Variants in MAPK8IP2 observed in about 807,000 individuals in gnomAD.
MAPK8IP2 encodes mitogen-activated protein kinase 8 interacting protein 2.
In MAPK8IP2, 15 loss-of-function variants were observed where a neutral mutation model predicts 75.6. That is an observed-to-expected ratio of 0.20 (90% CI 0.13 to 0.31). The LOEUF (loss-of-function observed/expected upper bound fraction) is 0.31, where lower values mean the gene tolerates loss of function less well. Among genes scored for constraint, MAPK8IP2 ranks in the 10% least tolerant of loss-of-function variants. The probability of loss-of-function intolerance (pLI) is 1.00; values close to 1 mark genes in which losing one functional copy is unlikely to be tolerated. For missense variants in MAPK8IP2, 1,089 were observed against 1,211.2 expected (o/e 0.90, Z 1.50); for synonymous variants, 632 against 554.5 (o/e 1.14, Z -1.96).
At chr22:50,601,484 C>A in intron 1 of MAPK8IP2, 1 of 351,052 alleles carries the variant, frequency 2.8e-6, no homozygotes, top group Non-Finnish European at 5.5e-6. Context: ...CTCTGCAAGA[C>A]CCTGACCCCA....
chr22:50,610,107 C>G lies in MAPK8IP2; in HGVS notation c.2304-105C>G. On this transcript the variant is annotated intron_variant, in intron 10 of 11. Transcript: ENST00000329492. The surrounding 1 kb of genome is among the most constrained non-coding windows in gnomAD (Gnocchi z 4.3). ...GACCCCCACACTCCTGTCCCTTACCCTCTCCCCAAGCCCTTTGTTCCTGCC... is the reference window on the plus strand; with the variant it reads ...GACCCCCACACTCCTGTCCCTTACCGTCTCCCCAAGCCCTTTGTTCCTGCC... 3 of 827,942 alleles carry G rather than the reference C, an allele frequency of 3.6e-6. No individual in the cohort carries two copies. The highest frequency in any genetic ancestry group is 2.6e-5 in the East Asian group (1 of 37,806). 51.3% of individuals were successfully genotyped at this position (827,942 alleles called of 1,614,324 possible).
intron 6 of MAPK8IP2, 32 bp from the exon 7 acceptor site, chr22:50,605,519 TCAATCCCGCCC>T: frequency 6.3e-7 from 1 of 1,584,932 alleles, no homozygotes. Flanking sequence ...GACACGACCG[TCAATCCCGCCC>T]CCCTCCCCAG....
chr22:50,609,274 C>G (rs2071105231), intron 10 of MAPK8IP2, among the ~76,000 whole-genome samples: 1 of 152,094 alleles, frequency 6.6e-6, no homozygotes. Flanking sequence ...CCAGGGCTGC[C>G]CATCCTGCCT....
chr22:50,601,299 TG>T (rs1339080142), intron 1 of MAPK8IP2: 6 of 153,156 alleles, frequency 3.9e-5, no homozygotes, highest in Admixed American at 1.3e-4. Context: ...CGGGAGAGAG[TG>T]GAAATCAAGC....
Position 50,604,343 on chromosome 22 carries a change from C to T in MAPK8IP2, c.1044C>T (p.Pro348=), listed in dbSNP as rs1453491438. Residue 348 remains proline (P), a synonymous_variant, in exon 5 of 12, where the codon CCC becomes CCT. Coordinates refer to ENST00000329492, the MANE Select transcript of MAPK8IP2 (RefSeq NM_012324.6). ...ACCTCAGCGAGGACGCGGACTCGCC[C>T]TGGCTGCTCAGCAACCTGGTGAGCC... ...EPDLSEDADS[P]WLLSNLVSRM... is the part of the protein sequence containing the mutation. 7.2e-6 allele frequency: 11 copies of T among 1,535,126 alleles called. No individual in the cohort carries two copies. The highest frequency in any genetic ancestry group is 4.9e-5 in the East Asian group (2 of 40,756).
rs2070943418 is a variant in MAPK8IP2, at chr22:50,601,826, G to A, written c.103G>A (p.Glu35Lys). 6.2e-7 allele frequency: 1 copy of A among 1,613,890 alleles called. No homozygotes were observed. Among genetic ancestry groups the A allele is most frequent in the South Asian group, 1.1e-5 (1 of 91,078 alleles). ...CATAAGCCTGGAAGAATTTGACGACGAAGATCTGTCTGAGATCACTGATGA... is the reference window on the plus strand; with the variant it reads ...CATAAGCCTGGAAGAATTTGACGACAAAGATCTGTCTGAGATCACTGATGA... Reference protein sequence around the residue: ...QDISLEEFDDEDLSEITDDCG... With the variant: ...QDISLEEFDDKDLSEITDDCG... The change falls in exon 2 of 12, where the codon GAA (glutamate) becomes AAA (lysine). Residue 35 changes from glutamate to lysine, a missense_variant. Glu to Lys is a moderately conservative substitution (Grantham distance 56). Around this residue, in one of 2 missense-constraint regions of MAPK8IP2, gnomAD observed 960 missense variants for 1,009.6 expected, o/e 0.95. Coordinates refer to ENST00000329492, the MANE Select transcript of MAPK8IP2 (RefSeq NM_012324.6).
Position 50,605,040 on chromosome 22 carries a change from G to A in MAPK8IP2, c.1741G>A (p.Val581Ile), listed in dbSNP as rs2071024342. The A allele has an allele frequency of 1.9e-6, 3 of 1,612,590 alleles. No individual in the cohort carries two copies. The highest frequency in any genetic ancestry group is 2.5e-6 in the Non-Finnish European group (3 of 1,179,860). The change falls in exon 5 of 12, where the codon GTC becomes ATC. Residue 581 changes from valine (V) to isoleucine (I), a missense_variant. Coordinates refer to ENST00000329492, the MANE Select transcript of MAPK8IP2 (RefSeq NM_012324.6). ...TFSKKFLNVFVNSTSRSSSTE... is the reference protein window; with the variant it reads ...TFSKKFLNVFINSTSRSSSTE... ...CTCCAAGAAGTTCCTCAATGTCTTC[G>A]TCAACAGCACATCTCGGTCCTCCAG...
At chr22:50,609,837 C>A (rs191036097) in intron 10 of MAPK8IP2, 5 of 518,640 alleles carry the variant, frequency 9.6e-6, no homozygotes, top group Middle Eastern at 3.2e-4. Flanking sequence ...GTCTGCTAGG[C>A]CCGCAGGAGG....
Position 50,604,707 on chromosome 22 carries a change from G to A in MAPK8IP2, c.1408G>A (p.Glu470Lys), listed in dbSNP as rs756000952. The A allele has an allele frequency of 6.5e-7, 1 of 1,531,084 alleles. No homozygotes were observed. 94.8% of individuals were successfully genotyped at this position (1,531,084 alleles called of 1,614,324 possible). Reference protein sequence around the residue: ...GRACSAACSEEEDEEDDEEEE... With the variant: ...GRACSAACSEKEDEEDDEEEE... The stretch of plus-strand genomic sequence containing the variant: ...AGCCTGCTCCGCCGCCTGCTCCGAG[G>A]AGGAGGACGAAGAGGACGACGAGGA... Residue 470 changes from glutamate to lysine, a missense_variant, in exon 5 of 12, where the codon GAG (glutamate) becomes AAG (lysine). Physicochemically the swap from Glu to Lys is moderately conservative, Grantham distance 56 (BLOSUM62 1). Transcript: ENST00000329492.
Position 50,610,443 on chromosome 22 carries a change from A to C in MAPK8IP2, c.2402+133A>C. ...GGAGAACCAGATGTGCTGTGTAGAG[A>C]GGGCAGTGGTGGGTGACAGTTTGGG... On this transcript the variant is annotated intron_variant, in intron 11 of 11. Coordinates refer to ENST00000329492, the MANE Select transcript of MAPK8IP2 (RefSeq NM_012324.6). This position sits in a 1 kb window ranked among gnomAD's most constrained non-coding sequence, Gnocchi z 4.3. The C allele has an allele frequency of 3.7e-6, 3 of 816,816 alleles. No homozygotes were observed. Among genetic ancestry groups the C allele is most frequent in the Non-Finnish European group, 6.0e-6 (3 of 501,244 alleles). The allele number at this position is 816,816 out of a possible 1,614,324, so 50.6% of individuals were successfully genotyped here.
chr22:50,600,898 G>T lies in MAPK8IP2; in HGVS notation c.65+15G>T. ...CCGGGCTGCAGGTACCCCCCTCGGC[G>T]CCCGGGCCGGGCGGACCCTCCGCTC... On this transcript the variant is annotated intron_variant, in intron 1 of 11. Coordinates refer to ENST00000329492, the MANE Select transcript of MAPK8IP2 (RefSeq NM_012324.6). The T allele has an allele frequency of 2.4e-6, 3 of 1,225,112 alleles. No homozygotes were observed. The highest frequency in any genetic ancestry group is 3.1e-5 in the South Asian group (2 of 63,726). 75.9% of individuals were successfully genotyped at this position (1,225,112 alleles called of 1,614,324 possible).
At position 50,607,361 on chromosome 22, in the gene MAPK8IP2, G is replaced by A. The variant is rs902661895; in HGVS notation, c.2303+370G>A. On this transcript the variant is annotated intron_variant, in intron 10 of 11. Transcript: ENST00000329492. This position sits in a 1 kb window ranked among gnomAD's most constrained non-coding sequence, Gnocchi z 5.6. ...CTGGTGGGGTCTAGCTGAGCCAAGG[G>A]TGTGGGATGCACTGGTCGGGGGCTA... Among the ~76,000 whole-genome samples, 2 of 152,188 alleles carry A rather than the reference G, an allele frequency of 1.3e-5. No individual in the cohort carries two copies. The highest frequency in any genetic ancestry group is 4.8e-5 in the African/African-American group (2 of 41,440).
At chr22:50,601,414 C>G in intron 1 of MAPK8IP2, 1 of 229,704 alleles carries the variant, frequency 4.4e-6, no homozygotes, top group South Asian at 6.5e-5. Context: ...GACTCTCTTC[C>G]CAGAGCAGGA....
At chr22:50,606,802 G>A in intron 9 of MAPK8IP2, 37 bp downstream of exon 9, 2 of 1,585,860 alleles carry the variant, frequency 1.3e-6, no homozygotes, top group Non-Finnish European at 1.7e-6. Flanking sequence ...GGGACTGGGG[G>A]ATAGGGTTAG....
chr22:50,604,313 G>A lies in MAPK8IP2; in HGVS notation c.1014G>A (p.Glu338=). The A allele has an allele frequency of 6.5e-7, 1 of 1,546,020 alleles. No homozygotes were observed. The highest frequency in any genetic ancestry group is 8.7e-7 in the Non-Finnish European group (1 of 1,152,836). The change falls in exon 5 of 12, where the codon GAG becomes GAA. Residue 338 remains glutamate (E), a synonymous_variant. Transcript: ENST00000329492. ...AGTACGAGTCGGGGTCGGAGTCGGA[G>A]CCGGACCTCAGCGAGGACGCGGACT... ...NSEYESGSES[E]PDLSEDADSP...
Position 50,600,889 on chromosome 22 carries a change from C to A in MAPK8IP2, c.65+6C>A, listed in dbSNP as rs1038545958. On this transcript the variant is annotated splice_donor_region_variant and intron_variant, in intron 1 of 11. Coordinates refer to ENST00000329492, the MANE Select transcript of MAPK8IP2 (RefSeq NM_012324.6). ...CTGTCGCCGCCGGGCTGCAGGTACC[C>A]CCCTCGGCGCCCGGGCCGGGCGGAC... is the stretch of plus-strand genomic sequence containing the variant. 1 of 1,249,314 alleles carries A rather than the reference C, an allele frequency of 8.0e-7. No homozygotes were observed. Among genetic ancestry groups the A allele is most frequent in the Non-Finnish European group, 1.0e-6 (1 of 967,512 alleles). 77.4% of individuals were successfully genotyped at this position (1,249,314 alleles called of 1,614,324 possible).
chr22:50,606,625 C>G, intron 8 of MAPK8IP2, 33 bp from the exon 9 acceptor site: 2 of 1,498,120 alleles, frequency 1.3e-6, no homozygotes, highest in Non-Finnish European at 1.8e-6. Context: ...GTGGGCTCCT[C>G]AAGACCCTCT....
At chr22:50,606,791 G>C in intron 9 of MAPK8IP2, 26 bp downstream of exon 9, 1 of 1,572,700 alleles carries the variant, frequency 6.4e-7, no homozygotes, top group Non-Finnish European at 8.7e-7. Context: ...ACTGGGGACC[G>C]GGGACTGGGG....
At position 50,610,129 on chromosome 22, in the gene MAPK8IP2, T is replaced by C. The variant is rs2146695004; in HGVS notation, c.2304-83T>C. 4 of 1,002,950 alleles carry C rather than the reference T, an allele frequency of 4.0e-6. No homozygotes were observed. Among genetic ancestry groups the C allele is most frequent in the East Asian group, 5.2e-5 (2 of 38,712 alleles). 62.1% of individuals were successfully genotyped at this position (1,002,950 alleles called of 1,614,324 possible). ...ACCCTCTCCCCAAGCCCTTTGTTCC[T>C]GCCTCTTCTCTCTACATCATTTGTG... On this transcript the variant is annotated intron_variant, in intron 10 of 11. Transcript: ENST00000329492. The surrounding 1 kb of genome is among the most constrained non-coding windows in gnomAD (Gnocchi z 4.3).
Sources: allele counts gnomAD v4.1 joint callset (sites outside exome capture counted in the v4.1 genomes callset), GRCh38; gene constraint gnomAD v4.1.1; regional missense constraint gnomAD v4.1.1; non-coding constraint Gnocchi (gnomAD v3.1); transcripts MANE v1.5; gene names NCBI Gene and HGNC (gene_info 2026-07-23, HGNC 2026-07-21).